Variants in SQSTM1 observed in about 807,000 individuals in gnomAD.
SQSTM1 encodes sequestosome-1.
In SQSTM1, 36 loss-of-function variants were observed where a neutral mutation model predicts 45.1. The ratio of observed to expected loss-of-function variants is 0.80; its 90% confidence interval spans 0.61 to 1.05. The LOEUF (loss-of-function observed/expected upper bound fraction) is 1.05, where lower values mean the gene tolerates loss of function less well. Among genes scored for constraint, SQSTM1 ranks in the 50% least tolerant of loss-of-function variants. The pLI, the probability that SQSTM1 is intolerant of heterozygous loss-of-function variation, is 0.00. For synonymous variants in SQSTM1, 290 were observed against 244.3 expected, an observed-to-expected ratio of 1.19 and a Z score of -1.74; for missense variants, 617 against 607.1, an observed-to-expected ratio of 1.02 and a Z score of -0.17.
chr5:179,809,325 ATTTTTTTTTTTTTTTTTTT>A (rs71001049), intron 1 of SQSTM1, among the ~76,000 whole-genome samples: 1 of 41,080 alleles, frequency 2.4e-5, no homozygotes, highest in Non-Finnish European at 4.0e-5. Flanking sequence ...CGCCTGGCTA[ATTTTTTTTTTTTTTTTTTT>A]TTTTTTTTTT....
At chr5:179,822,890 C>A in intron 1 of SQSTM1, 68 bp from the exon 2 acceptor site, 2 of 1,378,130 alleles carry the variant, frequency 1.5e-6, no homozygotes, top group Non-Finnish European at 2.1e-6. Flanking sequence ...TTGCCTCAGC[C>A]CATTCCAGCA....
rs113510309 is a variant in SQSTM1, at chr5:179,823,589, C to T, written c.302-269C>T. On this transcript the variant is annotated intron_variant, in intron 2 of 7. Coordinates refer to ENST00000389805, the MANE Select transcript of SQSTM1 (RefSeq NM_003900.5). ...TTAGGGATGGGGTCTGGTGCCGTGG[C>T]GCTTGGGTGAAGGGCAAGGCCAAAG... 0.041 allele frequency: 21,399 copies of T among 522,972 alleles called. 580 individuals are homozygous for T. Among genetic ancestry groups the T allele is most frequent in the Middle Eastern group, 0.088 (169 of 1,910 alleles). 32.4% of individuals were successfully genotyped at this position (522,972 alleles called of 1,614,324 possible).
rs1436138223 is a variant in SQSTM1, at chr5:179,837,654, C to A, written c.*1061C>A. On this transcript the variant is annotated 3_prime_UTR_variant, in exon 8 of 8. Transcript: ENST00000389805. ...CCTTGCTTAGCCTGTGCTGGACCAGCTGGCCTGGGGTCCCTCTGAAGAGAC... is the reference window on the plus strand; with the variant it reads ...CCTTGCTTAGCCTGTGCTGGACCAGATGGCCTGGGGTCCCTCTGAAGAGAC... 2 of 1,614,230 alleles carry A rather than the reference C, an allele frequency of 1.2e-6. No homozygotes were observed. The highest frequency in any genetic ancestry group is 1.1e-5 in the South Asian group (1 of 91,084).
intron 5 of SQSTM1, among the ~76,000 whole-genome samples, chr5:179,831,574 A>G (rs927606840): frequency 3.3e-5 from 5 of 151,990 alleles, no homozygotes; most frequent in Admixed American, 1.3e-4. Flanking sequence ...AGGCAGGAGA[A>G]TCACTTGAAC....
chr5:179,821,218 C>T (rs1757761944), intron 1 of SQSTM1, 77 bp downstream of exon 1: 4 of 1,275,716 alleles, frequency 3.1e-6, no homozygotes, highest in East Asian at 6.5e-5. Flanking sequence ...CTGCCCCCTC[C>T]CTTCTCGGCG....
At position 179,821,150 on chromosome 5, in the gene SQSTM1, G is replaced by A. The variant is rs1757759303; in HGVS notation, c.205+9G>A. 1 of 1,333,630 alleles carries A rather than the reference G, an allele frequency of 7.5e-7. No homozygotes were observed. The highest frequency in any genetic ancestry group is 9.5e-7 in the Non-Finnish European group (1 of 1,047,356). 82.6% of individuals were successfully genotyped at this position (1,333,630 alleles called of 1,614,324 possible). ...CCAGGCGCACTACCGCGGTGAGCGG[G>A]CCGGGGAGCGGCGGGGGCGGTGACG... is the stretch of plus-strand genomic sequence containing the variant. On this transcript the variant is annotated intron_variant, in intron 1 of 7. Coordinates refer to ENST00000389805, the MANE Select transcript of SQSTM1 (RefSeq NM_003900.5).
upstream of SQSTM1, among the ~76,000 whole-genome samples, chr5:179,819,299 T>A (rs371238617): frequency 6.6e-6 from 1 of 151,424 alleles, no homozygotes; most frequent in East Asian, 1.9e-4. Context: ...AAAGACTCCC[T>A]CTTCTGTGCT....
intron 5 of SQSTM1, among the ~76,000 whole-genome samples, chr5:179,832,063 G>A (rs1056391941): frequency 1.3e-5 from 2 of 152,182 alleles, no homozygotes; most frequent in Non-Finnish European, 2.9e-5. Context: ...GATTACAGGC[G>A]TGAGCCACTG....
intron 1 of SQSTM1, among the ~76,000 whole-genome samples, chr5:179,821,906 C>G (rs1025936931): frequency 6.6e-6 from 1 of 152,042 alleles, no homozygotes; most frequent in South Asian, 2.1e-4. Context: ...TAGGACCTCC[C>G]TCTGGAGCGC....
In SQSTM1 at chr5:179,820,928, C is replaced by CCGCTCGCTATGGCGT. The variant is rs1168144186; in HGVS notation, c.-3_12dup. 6.5e-7 allele frequency: 1 copy of CCGCTCGCTATGGCGT among 1,531,264 alleles called. No homozygotes were observed. Among genetic ancestry groups the CCGCTCGCTATGGCGT allele is most frequent in the Non-Finnish European group, 8.8e-7 (1 of 1,141,842 alleles). 94.9% of individuals were successfully genotyped at this position (1,531,264 alleles called of 1,614,324 possible). A position where few individuals can be genotyped will look rare whatever the true frequency, so the allele number is the denominator to read the frequency against. ...GGACGGCCCGTTTTCCGCCAGCTCGCCGCTCGCTATGGCGTCGCTCACCGT... is the reference window on the plus strand; with the variant it reads ...GGACGGCCCGTTTTCCGCCAGCTCGCCGCTCGCTATGGCGTCGCTCGCTATGGCGTCGCTCACCGT... On this transcript the variant is annotated 5_prime_UTR_variant, in exon 1 of 8. It adds an upstream start codon to the 5' untranslated region. Transcript: ENST00000389805.
At chr5:179,812,382 CG>C (rs1254870571) in intron 2 of SQSTM1, 33 of 152,032 alleles carry the variant, frequency 2.2e-4, no homozygotes, top group African/African-American at 8.0e-4. Flanking sequence ...AGGTTTTCAG[CG>C]GTTCCTTCCT....
At position 179,833,784 on chromosome 5, in the gene SQSTM1, C is replaced by G; in HGVS notation, c.1165+2C>G. 6.2e-7 allele frequency: 1 copy of G among 1,614,018 alleles called. No individual in the cohort carries two copies. Among genetic ancestry groups the G allele is most frequent in the South Asian group, 1.1e-5 (1 of 91,084 alleles). The stretch of plus-strand genomic sequence containing the variant: ...CCTTGTACCCACATCTCCCGCCAGG[C>G]AAGTGAACCAAGAGGTTTTGTACAT... On this transcript the variant is annotated splice_donor_variant, in intron 7 of 7. Transcript: ENST00000389805. LOFTEE classifies it high-confidence loss of function.
At chr5:179,824,805 A>G (rs1414322615) in intron 4 of SQSTM1, among the ~76,000 whole-genome samples, 1 of 152,296 alleles carries the variant, frequency 6.6e-6, no homozygotes, top group African/African-American at 2.4e-5. Context: ...ACCCTTTGGG[A>G]CAAAGATGGG....
chr5:179,833,380 T>G (rs1758337399), intron 6 of SQSTM1, 134 bp downstream of exon 6: 2 of 1,042,584 alleles, frequency 1.9e-6, no homozygotes, highest in Non-Finnish European at 2.9e-6. Flanking sequence ...TGCAGTGATG[T>G]CTGTGCCATT....
chr5:179,827,665 T>C (rs1017962135), intron 5 of SQSTM1, among the ~76,000 whole-genome samples: 1 of 152,240 alleles, frequency 6.6e-6, no homozygotes, highest in African/African-American at 2.4e-5. Flanking sequence ...AGCCTGAAGC[T>C]CTACAAACAA....
At chr5:179,808,685 G>A (rs936048443) in intron 1 of SQSTM1, among the ~76,000 whole-genome samples, 1 of 152,016 alleles carries the variant, frequency 6.6e-6, no homozygotes, top group Non-Finnish European at 1.5e-5. Flanking sequence ...GGGTGTGGTG[G>A]CTCATGCCTG....
At chr5:179,834,768 T>C (rs1312252072) in intron 7 of SQSTM1, among the ~76,000 whole-genome samples, 10 of 152,222 alleles carry the variant, frequency 6.6e-5, no homozygotes, top group Non-Finnish European at 1.2e-4. Flanking sequence ...TTTTTCTTAG[T>C]ACAGAACAAA....
At chr5:179,821,516 G>A (rs966272970) in intron 1 of SQSTM1, 33 of 504,664 alleles carry the variant, frequency 6.5e-5, no homozygotes, top group African/African-American at 3.5e-4. Context: ...TGGTCAGGCG[G>A]GCACTCGGGT....
rs777724565 is a variant in SQSTM1 at position 179,837,865 on chromosome 5, C to G, written c.*1272C>G. On this transcript the variant is annotated 3_prime_UTR_variant, in exon 8 of 8. Transcript: ENST00000389805. ...AGGGGCTGCTGCCTTGTTTCACCTT[C>G]CATGTCAGGCCAGCCTGTCCCTGAA... 6.2e-7 allele frequency: 1 copy of G among 1,607,024 alleles called. No homozygotes were observed. The highest frequency in any genetic ancestry group is 1.1e-5 in the South Asian group (1 of 91,072).
Sources: allele counts gnomAD v4.1 joint callset (sites outside exome capture counted in the v4.1 genomes callset), GRCh38; gene constraint gnomAD v4.1.1; transcripts MANE v1.5; gene names NCBI Gene and HGNC (gene_info 2026-07-23, HGNC 2026-07-21).